Variants in GPD2 observed in about 807,000 individuals in gnomAD.
GPD2 encodes the protein glycerol-3-phosphate dehydrogenase 2.
In GPD2, 54 loss-of-function variants were observed where a neutral mutation model predicts 82.4. The ratio of observed to expected loss-of-function variants is 0.66; its 90% CI spans 0.53 to 0.82. The LOEUF (loss-of-function observed/expected upper bound fraction) is 0.82, where lower values mean the gene tolerates loss of function less well. Among genes scored for constraint, GPD2 ranks in the 40% least tolerant of loss-of-function variants. GPD2 has a pLI of 0.00. For missense variants in GPD2, 748 were observed against 896.2 expected (o/e 0.83, Z 2.11); for synonymous variants, 288 against 306.1 (o/e 0.94, Z 0.62).
At chr2:156,431,147 G>A (rs1407866729), upstream of GPD2, among the ~76,000 whole-genome samples, 1 of 152,204 alleles carries the variant, frequency 6.6e-6, no homozygotes, top group African/African-American at 2.4e-5. Context: ...ACAGGAGAAA[G>A]GAGTTAGGTG....
At chr2:156,440,291 C>T (rs923507156) in intron 1 of GPD2, among the ~76,000 whole-genome samples, 4 of 152,186 alleles carry the variant, frequency 2.6e-5, no homozygotes, top group Admixed American at 2.6e-4. Context: ...GCCAATGTGA[C>T]TGCAAGCCAG....
At chr2:156,487,848 A>C (rs1286038099) in intron 2 of GPD2, among the ~76,000 whole-genome samples, 2 of 152,246 alleles carry the variant, frequency 1.3e-5, no homozygotes, top group Non-Finnish European at 2.9e-5. Flanking sequence ...CTCAGCTCAT[A>C]TAGTCAATTA....
chr2:156,508,971 C>G (rs573601985), intron 3 of GPD2, among the ~76,000 whole-genome samples: 1 of 152,284 alleles, frequency 6.6e-6, no homozygotes, highest in African/African-American at 2.4e-5. Context: ...AGATACCTGA[C>G]AGCCTAGTTC....
chr2:156,577,024 C>T (rs751506822), intron 13 of GPD2, among the ~76,000 whole-genome samples: 1 of 152,198 alleles, frequency 6.6e-6, no homozygotes, highest in Non-Finnish European at 1.5e-5. Flanking sequence ...TACACATGCA[C>T]ACATACACAC....
At chr2:156,403,321 T>C in the GPD2 span, among the ~76,000 whole-genome samples, 1 of 152,184 alleles carries the variant, frequency 6.6e-6, no homozygotes, top group African/African-American at 2.4e-5. Context: ...TGCTTTTCAC[T>C]GAATCCCTGC....
chr2:156,454,018 G>A (rs952275605), intron 1 of GPD2, among the ~76,000 whole-genome samples: 3 of 152,202 alleles, frequency 2.0e-5, no homozygotes, highest in African/African-American at 7.2e-5. Flanking sequence ...GATAATGGGT[G>A]GTAAAGTCTA....
At chr2:156,538,712 T>C (rs1214792328) in intron 6 of GPD2, among the ~76,000 whole-genome samples, 10 of 150,256 alleles carry the variant, frequency 6.7e-5, no homozygotes, top group African/African-American at 2.5e-4. Context: ...TCCCAGCTAC[T>C]CGGGAGGCTG....
chr2:156,415,245 G>GC, the GPD2 span, among the ~76,000 whole-genome samples: 1 of 141,076 alleles, frequency 7.1e-6, no homozygotes, highest in African/African-American at 2.6e-5. Flanking sequence ...TGCAAGCTCC[G>GC]CCTCCCGGGT....
At chr2:156,542,740 GC>G (rs1392638709) in intron 6 of GPD2, among the ~76,000 whole-genome samples, 1 of 152,012 alleles carries the variant, frequency 6.6e-6, no homozygotes, top group Admixed American at 6.6e-5. Flanking sequence ...GAACTTAATT[GC>G]CTCCTTTATG....
intron 1 of GPD2, among the ~76,000 whole-genome samples, chr2:156,442,984 C>T (rs1192974889): frequency 6.6e-6 from 1 of 152,130 alleles, no homozygotes; most frequent in East Asian, 1.9e-4. Context: ...CATTCTCACC[C>T]TAATATTAAG....
Position 156,563,714 on chromosome 2 carries a change from G to A in GPD2, c.1166-5111G>A, listed in dbSNP as rs74340922. ...GAAGTGCAGTCCAATTTCAGTGAAA[G>A]GATGCTCCGTTGGAGATGTAGGCAA... On this transcript the variant is annotated intron_variant, in intron 9 of 16. Transcript: ENST00000438166. Among the ~76,000 whole-genome samples the A allele has an allele frequency of 8.1e-3, 1,227 of 152,210 alleles. 14 individuals carry two copies. Among genetic ancestry groups the A allele is most frequent in the African/African-American group, 0.028 (1,179 of 41,540 alleles).
intron 4 of GPD2, among the ~76,000 whole-genome samples, chr2:156,511,301 T>A (rs999787245): frequency 9.2e-5 from 14 of 152,214 alleles, no homozygotes; most frequent in Non-Finnish European, 1.8e-4. Context: ...TAACTACAAC[T>A]GCAGTCATAG....
intron 8 of GPD2, among the ~76,000 whole-genome samples, chr2:156,556,103 CCT>C (rs1276510124): frequency 6.6e-6 from 1 of 151,756 alleles, no homozygotes; most frequent in African/African-American, 2.4e-5. Context: ...CAGTTGTTAC[CCT>C]CTCATTTTTA....
At position 156,571,259 on chromosome 2, in the gene GPD2, C is replaced by G. The variant is rs1216229137; in HGVS notation, c.1734C>G (p.Gly578=). The G allele has an allele frequency of 6.2e-7, 1 of 1,611,738 alleles. No homozygotes were observed. Residue 578 remains glycine (G), a synonymous_variant, in exon 13 of 17, where the codon GGC becomes GGG. Coordinates refer to ENST00000438166, the MANE Select transcript of GPD2 (RefSeq NM_000408.5). ...TACCCAGGATTGTTGAACTGATGGG[C>G]AGGGAACTGAATTGGGATGATTATA... The part of the protein sequence containing the change: ...EALPRIVELM[G]RELNWDDYKK...
intron 6 of GPD2, among the ~76,000 whole-genome samples, chr2:156,548,442 A>T (rs527566148): frequency 6.6e-6 from 1 of 152,232 alleles, no homozygotes; most frequent in Admixed American, 6.5e-5. Flanking sequence ...TAGAGCATTT[A>T]ATTTTGGGGG....
chr2:156,551,597 T>C (rs1686761605), intron 8 of GPD2, among the ~76,000 whole-genome samples: 2 of 152,224 alleles, frequency 1.3e-5, no homozygotes, highest in African/African-American at 4.8e-5. Context: ...GTATTCATTA[T>C]GGCATTGTTT....
At chr2:156,563,010 A>G (rs981695527) in intron 9 of GPD2, among the ~76,000 whole-genome samples, 7 of 152,096 alleles carry the variant, frequency 4.6e-5, no homozygotes, top group African/African-American at 1.7e-4. Flanking sequence ...TCTCAACTTT[A>G]TTTAATAGTA....
intron 3 of GPD2, among the ~76,000 whole-genome samples, chr2:156,502,658 T>A (rs1004842253): frequency 2.0e-5 from 3 of 152,194 alleles, no homozygotes; most frequent in African/African-American, 4.8e-5. Flanking sequence ...ACTCCTGAGA[T>A]CAAGTGGTTC....
At chr2:156,409,785 A>G in the GPD2 span, among the ~76,000 whole-genome samples, 1 of 152,200 alleles carries the variant, frequency 6.6e-6, no homozygotes, top group Non-Finnish European at 1.5e-5. Flanking sequence ...TAAATAAACT[A>G]TTCTCCAAAG....
Sources: allele counts gnomAD v4.1 joint callset (sites outside exome capture counted in the v4.1 genomes callset), GRCh38; gene constraint gnomAD v4.1.1; transcripts MANE v1.5; gene names NCBI Gene and HGNC (gene_info 2026-07-23, HGNC 2026-07-21).